Variants in FMNL2 observed in about 807,000 individuals in gnomAD.
The protein encoded by FMNL2 is formin-like protein 2.
FMNL2 carries 51 observed loss-of-function variants against 130.2 expected under a neutral mutation model. The observed-to-expected ratio is 0.39, with a 90% CI of 0.31 to 0.49. The LOEUF is 0.49. Among genes scored for constraint, FMNL2 ranks in the 20% least tolerant of loss-of-function variants. The pLI, the probability that FMNL2 is intolerant of heterozygous loss-of-function variation, is 0.85. For synonymous variants in FMNL2, 465 were observed against 467.1 expected (o/e 1.00, Z 0.06); for missense variants, 977 against 1,316.2 (o/e 0.74, Z 3.99).
intron 9 of FMNL2, among the ~76,000 whole-genome samples, chr2:152,595,048 G>C (rs1449514081): frequency 1.3e-5 from 2 of 152,098 alleles, no homozygotes; most frequent in Non-Finnish European, 2.9e-5. Context: ...GCTCTGTGTT[G>C]TTTTGGCAGT....
intron 15 of FMNL2, 38 bp from the exon 16 acceptor site, chr2:152,625,400 T>G (rs1172848545): frequency 1.9e-6 from 3 of 1,585,002 alleles, no homozygotes; most frequent in Non-Finnish European, 2.6e-6. Flanking sequence ...CGTAGGCTTT[T>G]GGTGGGATCT....
intron 1 of FMNL2, among the ~76,000 whole-genome samples, chr2:152,424,117 C>G (rs1419177603): frequency 6.6e-6 from 1 of 152,128 alleles, no homozygotes; most frequent in Admixed American, 6.6e-5. Flanking sequence ...AAGATAGCAA[C>G]CATGATAGTA....
At chr2:152,479,545 T>C (rs2105224066) in intron 1 of FMNL2, among the ~76,000 whole-genome samples, 1 of 152,284 alleles carries the variant, frequency 6.6e-6, no homozygotes, top group South Asian at 2.1e-4. Context: ...GTCATCTTTA[T>C]TTCTAAGTCT....
chr2:152,464,660 T>G (rs1478994037), intron 1 of FMNL2, among the ~76,000 whole-genome samples: 1 of 152,200 alleles, frequency 6.6e-6, no homozygotes, highest in East Asian at 1.9e-4. Flanking sequence ...TAAAATGAGT[T>G]AGCACAAATG....
chr2:152,538,280 T>A (rs1056190922), intron 2 of FMNL2, among the ~76,000 whole-genome samples: 5 of 148,556 alleles, frequency 3.4e-5, no homozygotes, highest in African/African-American at 1.2e-4. Context: ...TGAGGTTTTT[T>A]TTTTTTGTTT....
In FMNL2 at chr2:152,619,085, G is replaced by A. The variant is rs1455384811; in HGVS notation, c.1554G>A (p.Met518Ile). The A allele has an allele frequency of 7.4e-6, 12 of 1,612,636 alleles. No homozygotes were observed. Among genetic ancestry groups the A allele is most frequent in the South Asian group, 1.1e-5 (1 of 91,026 alleles). The change falls in exon 14 of 26, where the codon ATG becomes ATA. Residue 518 changes from methionine to isoleucine, a missense_variant. By Grantham distance (10) the Met-to-Ile change is conservative. Transcript: ENST00000288670. Reference protein sequence around the residue: ...VVAGNSVGPTMGAASSGPLPP... With the variant: ...VVAGNSVGPTIGAASSGPLPP... ...CAGGTAACTCTGTGGGACCCACAAT[G>A]GGGGCCGCTTCCTCAGGACCCTTGC...
At position 152,474,386 on chromosome 2, in the gene FMNL2, A is replaced by G. The variant is rs560706707; in HGVS notation, c.118-47557A>G. 4.1e-4 allele frequency among the ~76,000 whole-genome samples: 63 copies of G among 152,300 alleles called. 1 individual carries two copies. The highest frequency in any genetic ancestry group is 1.7e-3 in the Admixed American group (26 of 15,294). On this transcript the variant is annotated intron_variant, in intron 1 of 25. Coordinates refer to ENST00000288670, the MANE Select transcript of FMNL2 (RefSeq NM_052905.4). ...AAAATGAGCTTCACTTACTTTATAT[A>G]ATTAAGATGCAGTCAGAGCTGGGTG...
intron 6 of FMNL2, among the ~76,000 whole-genome samples, chr2:152,571,990 C>T (rs1462773165): frequency 6.6e-6 from 1 of 151,900 alleles, no homozygotes; most frequent in African/African-American, 2.4e-5. Flanking sequence ...TCTGTGGAAA[C>T]TGTTTGCCAC....
chr2:152,429,052 G>A (rs947918175), intron 1 of FMNL2, among the ~76,000 whole-genome samples: 2 of 152,038 alleles, frequency 1.3e-5, no homozygotes, highest in Non-Finnish European at 2.9e-5. Context: ...AGGAGGGAGA[G>A]CATCAGGAAG....
chr2:152,374,287 A>T (rs1356347579), intron 1 of FMNL2, among the ~76,000 whole-genome samples: 1 of 152,154 alleles, frequency 6.6e-6, no homozygotes, highest in Non-Finnish European at 1.5e-5. Flanking sequence ...CTCAAGTGCT[A>T]AAAGGGAGAT....
At chr2:152,471,238 G>A (rs535823460) in intron 1 of FMNL2, among the ~76,000 whole-genome samples, 11 of 151,928 alleles carry the variant, frequency 7.2e-5, no homozygotes, top group East Asian at 5.8e-4. Context: ...TCTTTGTACC[G>A]TTTGAACAGC....
intron 1 of FMNL2, among the ~76,000 whole-genome samples, chr2:152,336,092 A>AAACAAAACAAAAC (rs1674788056): frequency 1.5e-5 from 2 of 132,268 alleles, no homozygotes; most frequent in South Asian, 4.7e-4. Context: ...TTTTTTTAAA[A>AAACAAAACAAAAC]AAAACAAAAC....
intron 1 of FMNL2, among the ~76,000 whole-genome samples, chr2:152,363,562 CT>C (rs150611360): frequency 0.17 from 25,701 of 149,616 alleles, 2,368 homozygotes; most frequent in Middle Eastern, 0.38. Context: ...TTTTTCTTTT[CT>C]TTTTTTTTTC....
At chr2:152,493,937 A>G (rs538026648) in intron 1 of FMNL2, among the ~76,000 whole-genome samples, 2 of 152,250 alleles carry the variant, frequency 1.3e-5, no homozygotes, top group Non-Finnish European at 2.9e-5. Context: ...TTTTAAAACC[A>G]TGAAAGCTCA....
intron 10 of FMNL2, among the ~76,000 whole-genome samples, chr2:152,608,180 A>G: frequency 6.6e-6 from 1 of 152,014 alleles, no homozygotes; most frequent in East Asian, 1.9e-4. Flanking sequence ...GAAATTCTAG[A>G]CCCAGGAGAT....
chr2:152,379,768 A>G (rs13402243), intron 1 of FMNL2, among the ~76,000 whole-genome samples: 21,629 of 152,174 alleles, frequency 0.14, 1,662 homozygotes, highest in East Asian at 0.19. Flanking sequence ...AACTTATTAG[A>G]AACTGAAGTC....
At chr2:152,532,823 G>T (rs1002252743) in intron 2 of FMNL2, among the ~76,000 whole-genome samples, 16 of 152,048 alleles carry the variant, frequency 1.1e-4, no homozygotes, top group African/African-American at 3.6e-4. Context: ...GGCCAGGCTG[G>T]TCTCAAACTC....
chr2:152,601,667 C>CGTTTT (rs1553484907), intron 9 of FMNL2, among the ~76,000 whole-genome samples: 2 of 132,240 alleles, frequency 1.5e-5, no homozygotes, highest in African/African-American at 6.2e-5. Context: ...CTTTTCTTTT[C>CGTTTT]TTTCTTTTTT....
chr2:152,500,373 A>G (rs953102591), intron 1 of FMNL2, among the ~76,000 whole-genome samples: 2 of 152,178 alleles, frequency 1.3e-5, no homozygotes, highest in Admixed American at 6.5e-5. Flanking sequence ...GTCGTGTTCT[A>G]TCTCCTCCTC....
Sources: allele counts gnomAD v4.1 joint callset (sites outside exome capture counted in the v4.1 genomes callset), GRCh38; gene constraint gnomAD v4.1.1; transcripts MANE v1.5; gene names NCBI Gene and HGNC (gene_info 2026-07-23, HGNC 2026-07-21).